RBFOX1: variants seen among roughly 807,000 people sequenced by gnomAD.
RBFOX1 encodes RNA binding protein fox-1 homolog 1.
Under a neutral mutation model 57.7 loss-of-function variants are expected in RBFOX1, and 8 were observed. The ratio of observed to expected loss-of-function variants is 0.14; its 90% confidence interval spans 0.08 to 0.25. The LOEUF is 0.25. Among genes scored for constraint, RBFOX1 ranks in the 10% least tolerant of loss-of-function variants. The pLI, the probability that RBFOX1 is intolerant of heterozygous loss-of-function variation, is 1.00. For synonymous variants in RBFOX1, 326 were observed against 222.4 expected, an observed-to-expected ratio of 1.47 and a Z score of -4.15; for missense variants, 611 against 548.5, an observed-to-expected ratio of 1.11 and a Z score of -1.14.
intron 2 of RBFOX1, among the ~76,000 whole-genome samples, chr16:6,579,409 A>G (rs146726776): frequency 0.016 from 2,399 of 152,096 alleles, 36 homozygotes; most frequent in Middle Eastern, 0.054. Context: ...TCTCATCTTG[A>G]ATTGTAGTTC....
Position 6,019,337 on chromosome 16 carries a change from G to T in RBFOX1, c.-782G>T. The T allele has an allele frequency of 1.0e-6, 1 of 985,654 alleles. No individual in the cohort carries two copies. 61.1% of individuals were successfully genotyped at this position (985,654 alleles called of 1,614,324 possible). A position where few individuals can be genotyped will look rare whatever the true frequency, so the allele number is the denominator to read the frequency against. On this transcript the variant is annotated 5_prime_UTR_variant, in exon 1 of 16. Transcript: ENST00000550418. The surrounding 1 kb of genome is among the most constrained non-coding windows in gnomAD (Gnocchi z 4.2). Reference sequence around the variant, plus strand: ...TCCCCGTGCGAGCCGCGCTGCCGCCGCCTCCTCCAGCCAGAGTCGGTGGGA... The same window carrying T: ...TCCCCGTGCGAGCCGCGCTGCCGCCTCCTCCTCCAGCCAGAGTCGGTGGGA...
intron 3 of RBFOX1, among the ~76,000 whole-genome samples, chr16:5,611,955 A>G (rs1407648702): frequency 6.6e-6 from 1 of 151,924 alleles, no homozygotes; most frequent in African/African-American, 2.4e-5. Context: ...GTGAGACCCC[A>G]TCTGTACAAA....
At chr16:6,903,908 A>G (rs74648452) in intron 3 of RBFOX1, among the ~76,000 whole-genome samples, 4,931 of 152,164 alleles carry the variant, frequency 0.032, 156 homozygotes, top group South Asian at 0.13. Context: ...TCAAGCTGCC[A>G]GGGAGGATGT....
intron 1 of RBFOX1, among the ~76,000 whole-genome samples, chr16:6,077,671 T>G (rs979622968): frequency 5.9e-5 from 9 of 151,636 alleles, no homozygotes; most frequent in African/African-American, 1.2e-4. Flanking sequence ...GCGTCAACCT[T>G]GCCTTCTTTT....
chr16:7,277,952 A>G (rs1466825062), intron 4 of RBFOX1, among the ~76,000 whole-genome samples: 2 of 151,738 alleles, frequency 1.3e-5, no homozygotes, highest in Non-Finnish European at 2.9e-5. Flanking sequence ...GATTAGCAAA[A>G]AAAAAAAAAA....
intron 3 of RBFOX1, among the ~76,000 whole-genome samples, chr16:5,734,018 C>A (rs575937924): frequency 6.6e-6 from 1 of 152,164 alleles, no homozygotes; most frequent in African/African-American, 2.4e-5. Context: ...AAGAGAACTT[C>A]GTTGTCCATG....
At chr16:5,531,250 T>C (rs2044466847) in intron 2 of RBFOX1, among the ~76,000 whole-genome samples, 1 of 152,152 alleles carries the variant, frequency 6.6e-6, no homozygotes, top group African/African-American at 2.4e-5. Flanking sequence ...GGGTTGTGGC[T>C]CCAGCAAAGG....
At chr16:6,770,636 C>A (rs77978431) in intron 3 of RBFOX1, among the ~76,000 whole-genome samples, 1,905 of 152,144 alleles carry the variant, frequency 0.013, 14 homozygotes, top group Non-Finnish European at 0.021. Context: ...AATCTCTACT[C>A]AGAGGCTGCA....
intron 3 of RBFOX1, among the ~76,000 whole-genome samples, chr16:6,915,954 C>A (rs749026762): frequency 6.6e-5 from 10 of 152,050 alleles, no homozygotes; most frequent in Non-Finnish European, 1.2e-4. Context: ...GCTGAGAAAC[C>A]AAAGTACAAG....
At chr16:6,254,235 G>A (rs571283176) in intron 1 of RBFOX1, among the ~76,000 whole-genome samples, 2 of 152,262 alleles carry the variant, frequency 1.3e-5, no homozygotes, top group Admixed American at 6.5e-5. Flanking sequence ...CATGCAGTGA[G>A]CCTGGATCCA....
In RBFOX1 at chr16:6,875,988, A is replaced by G. The variant is rs2345818; in HGVS notation, c.-15-176069A>G. On this transcript the variant is annotated intron_variant, in intron 3 of 15. Coordinates refer to ENST00000550418, the MANE Select transcript of RBFOX1 (RefSeq NM_018723.4). ...ACTTCAGCCTGGGCAACACAGTGGA[A>G]CTTGTCTCAAAAAATAATAATTCCA... Among the ~76,000 whole-genome samples the G allele has an allele frequency of 5.8e-3, 882 of 151,906 alleles. 14 individuals carry two copies. Among genetic ancestry groups the G allele is most frequent in the African/African-American group, 0.02 (833 of 41,400 alleles).
intron 3 of RBFOX1, among the ~76,000 whole-genome samples, chr16:6,677,820 T>C (rs928144655): frequency 1.6e-4 from 25 of 152,324 alleles, no homozygotes; most frequent in African/African-American, 5.8e-4. Flanking sequence ...GAGCTTTTTA[T>C]GTATCTACCA....
intron 3 of RBFOX1, among the ~76,000 whole-genome samples, chr16:5,640,305 A>G (rs1474372665): frequency 1.3e-5 from 2 of 152,200 alleles, no homozygotes; most frequent in South Asian, 2.1e-4. Context: ...GGGAGAGAGT[A>G]TTTAATTTTG....
chr16:6,841,610 C>G (rs187545257), intron 3 of RBFOX1, among the ~76,000 whole-genome samples: 2 of 152,228 alleles, frequency 1.3e-5, no homozygotes, highest in African/African-American at 2.4e-5. Flanking sequence ...TAATTTTACT[C>G]TCAAAACTCT....
At chr16:5,764,709 T>A (rs1405071479) in intron 3 of RBFOX1, among the ~76,000 whole-genome samples, 2 of 152,152 alleles carry the variant, frequency 1.3e-5, no homozygotes, top group East Asian at 1.9e-4. Flanking sequence ...TGGATTTTGG[T>A]CAAAACATAA....
chr16:6,583,057 G>T (rs1350126909), intron 2 of RBFOX1, among the ~76,000 whole-genome samples: 1 of 150,238 alleles, frequency 6.7e-6, no homozygotes, highest in Non-Finnish European at 1.5e-5. Context: ...CCTTCTCTTT[G>T]GTGTTCACTC....
intron 11 of RBFOX1, among the ~76,000 whole-genome samples, chr16:7,643,675 C>T (rs1276668573): frequency 1.3e-5 from 2 of 152,164 alleles, no homozygotes; most frequent in Non-Finnish European, 2.9e-5. Context: ...ACACAACCTC[C>T]CCCTCACATC....
chr16:6,669,634 T>A (rs752310398), intron 3 of RBFOX1, among the ~76,000 whole-genome samples: 2 of 152,180 alleles, frequency 1.3e-5, no homozygotes, highest in East Asian at 3.9e-4. Flanking sequence ...ATTTTTTCTT[T>A]TGTTTCTTTT....
At chr16:5,914,160 A>G (rs963269183) in intron 4 of RBFOX1, among the ~76,000 whole-genome samples, 1 of 152,240 alleles carries the variant, frequency 6.6e-6, no homozygotes, top group African/African-American at 2.4e-5. Context: ...CCCCAAAATA[A>G]TCCAGGAAAA....
Sources: allele counts gnomAD v4.1 joint callset (sites outside exome capture counted in the v4.1 genomes callset), GRCh38; gene constraint gnomAD v4.1.1; non-coding constraint Gnocchi (gnomAD v3.1); transcripts MANE v1.5; gene names NCBI Gene and HGNC (gene_info 2026-07-23, HGNC 2026-07-21).